Variants in RASA2 observed in about 807,000 individuals in gnomAD.
The protein encoded by RASA2 is ras GTPase-activating protein 2.
In RASA2, 155 loss-of-function variants were observed where a neutral mutation model predicts 118.2. The ratio of observed to expected loss-of-function variants is 1.31; its 90% CI spans 1.15 to 1.50. The LOEUF (loss-of-function observed/expected upper bound fraction) is 1.50. Ranked by LOEUF, RASA2 falls within the 40% of genes most tolerant of loss-of-function variation. The pLI is 0.00. For synonymous variants in RASA2, 353 were observed against 349.1 expected (o/e 1.01, Z -0.12); for missense variants, 1,016 against 1,009.6 (o/e 1.01, Z -0.09).
At position 141,609,103 on chromosome 3, in the gene RASA2, C is replaced by T. The variant is rs1323570118; in HGVS notation, c.2226-317C>T. ...ACCAAGATATCAAGAAAGAAGGATCCTTAGCATTCTCTTTCTAATTGTATG... is the reference window on the plus strand; with the variant it reads ...ACCAAGATATCAAGAAAGAAGGATCTTTAGCATTCTCTTTCTAATTGTATG... On this transcript the variant is annotated intron_variant, in intron 21 of 23. Transcript: ENST00000286364. Among the ~76,000 whole-genome samples, 3 of 152,228 alleles carry T rather than the reference C, an allele frequency of 2.0e-5. No homozygotes were observed. The East Asian group carries it at 5.8e-4, about 29-fold the overall frequency.
chr3:141,582,800 A>G (rs914581074), intron 17 of RASA2, among the ~76,000 whole-genome samples: 2 of 152,212 alleles, frequency 1.3e-5, no homozygotes, highest in Non-Finnish European at 2.9e-5. Flanking sequence ...CTCATTTTAT[A>G]TTGGCACTCT....
intron 19 of RASA2, among the ~76,000 whole-genome samples, chr3:141,597,622 C>T (rs1191288250): frequency 6.6e-6 from 1 of 151,956 alleles, no homozygotes; most frequent in Admixed American, 6.5e-5. Flanking sequence ...ATAGGCTCAC[C>T]TTAATAAAGC....
chr3:141,514,807 A>T lies in RASA2; in HGVS notation c.252-1521A>T, dbSNP rs116396656. 4.4e-3 allele frequency among the ~76,000 whole-genome samples: 675 copies of T among 152,360 alleles called. 1 individual carries two copies. Among genetic ancestry groups the T allele is most frequent in the Non-Finnish European group, 8.2e-3 (558 of 68,028 alleles). ...ACTAGGCGAATGGATTTGGAATGCA[A>T]TGGAATACTATGCAGCAATTAAAAC... On this transcript the variant is annotated intron_variant, in intron 2 of 23. Transcript: ENST00000286364.
chr3:141,494,900 T>C (rs2081681694), intron 1 of RASA2, among the ~76,000 whole-genome samples: 1 of 152,238 alleles, frequency 6.6e-6, no homozygotes, highest in Non-Finnish European at 1.5e-5. Flanking sequence ...ATACTTTGGC[T>C]GATGCCTGAA....
intron 4 of RASA2, among the ~76,000 whole-genome samples, chr3:141,531,881 GAT>G (rs1369548277): frequency 6.6e-6 from 1 of 151,944 alleles, no homozygotes; most frequent in East Asian, 1.9e-4. Context: ...GTCTAGAAAA[GAT>G]AGAAAATCAT....
intron 3 of RASA2, among the ~76,000 whole-genome samples, chr3:141,522,375 C>T (rs937691821): frequency 6.6e-6 from 1 of 152,118 alleles, no homozygotes; most frequent in African/African-American, 2.4e-5. Flanking sequence ...TGTTCCAGGG[C>T]TCCCATCTGG....
chr3:141,600,411 A>G (rs1016266346), intron 19 of RASA2: 8 of 456,960 alleles, frequency 1.8e-5, no homozygotes, highest in South Asian at 8.3e-5. Flanking sequence ...ATGAGCCTCC[A>G]GGCGGACCTG....
chr3:141,515,028 T>C (rs1211971425), intron 2 of RASA2, among the ~76,000 whole-genome samples: 1 of 152,148 alleles, frequency 6.6e-6, no homozygotes, highest in Non-Finnish European at 1.5e-5. Flanking sequence ...AAGAGAACTT[T>C]CTGGGGAGAT....
chr3:141,570,827 A>T, intron 9 of RASA2, 85 bp from the exon 10 acceptor site: 6 of 1,339,888 alleles, frequency 4.5e-6, no homozygotes, highest in African/African-American at 1.5e-5. Flanking sequence ...TTTTTGGTTT[A>T]GTTTTTTTAT....
chr3:141,598,239 G>A (rs1038785251), intron 19 of RASA2, among the ~76,000 whole-genome samples: 1 of 151,962 alleles, frequency 6.6e-6, no homozygotes, highest in Non-Finnish European at 1.5e-5. Context: ...GATTTTTCAA[G>A]AAAAAATACA....
rs1559799824 is a variant in RASA2, at chr3:141,610,477, A to AAATATATATATATATATATT, written c.2519+412_2519+431dup. Among the ~76,000 whole-genome samples, 266 of 114,726 alleles carry AAATATATATATATATATATT rather than the reference A, an allele frequency of 2.3e-3. 2 individuals carry two copies. The highest frequency in any genetic ancestry group is 3.5e-3 in the Non-Finnish European group (217 of 62,378). 75.3% of individuals were successfully genotyped at this position (114,726 alleles called of 152,430 possible). ...ATTTATATTTATATATTATATATAT[A>AAATATATATATATATATATT]AATATATATATATATATATTTAGTT... On this transcript the variant is annotated intron_variant, in intron 23 of 23. Coordinates refer to ENST00000286364, the MANE Select transcript of RASA2 (RefSeq NM_006506.5).
chr3:141,543,180 T>TA (rs2082431078), intron 5 of RASA2, among the ~76,000 whole-genome samples: 2 of 152,226 alleles, frequency 1.3e-5, no homozygotes, highest in African/African-American at 2.4e-5. Context: ...ATTGTGTTTT[T>TA]AAAAAATCTA....
At chr3:141,543,217 A>T (rs983315287) in intron 5 of RASA2, among the ~76,000 whole-genome samples, 1 of 151,606 alleles carries the variant, frequency 6.6e-6, no homozygotes, top group Non-Finnish European at 1.5e-5. Flanking sequence ...ATTTTTTTTT[A>T]GTGGTTGCTC....
chr3:141,556,771 T>G (rs1367982783), intron 7 of RASA2, among the ~76,000 whole-genome samples: 1 of 152,182 alleles, frequency 6.6e-6, no homozygotes. Flanking sequence ...TTTCTTGGTA[T>G]TTCACAGTGG....
intron 4 of RASA2, among the ~76,000 whole-genome samples, chr3:141,533,118 A>G (rs2082281958): frequency 1.3e-5 from 2 of 152,130 alleles, no homozygotes; most frequent in Non-Finnish European, 2.9e-5. Context: ...ACGCCACACC[A>G]ATTTTTGAGT....
intron 17 of RASA2, among the ~76,000 whole-genome samples, chr3:141,583,330 C>T (rs866492298): frequency 1.3e-5 from 2 of 151,980 alleles, no homozygotes; most frequent in Non-Finnish European, 2.9e-5. Context: ...GAGGCTGAGG[C>T]GAGAGAATCG....
intron 9 of RASA2, among the ~76,000 whole-genome samples, chr3:141,561,606 C>T (rs77586571): frequency 0.13 from 19,687 of 152,194 alleles, 1,827 homozygotes; most frequent in East Asian, 0.24. Context: ...TTAACCTCCT[C>T]CATCAATTGT....
chr3:141,600,452 G>A (rs1257857386), intron 19 of RASA2: 11 of 401,044 alleles, frequency 2.7e-5, no homozygotes, highest in Non-Finnish European at 5.5e-5. Flanking sequence ...ATAAGGAGCA[G>A]GTTGCGCTCC....
At chr3:141,517,225 C>A (rs1401782585) in intron 3 of RASA2, among the ~76,000 whole-genome samples, 1 of 152,156 alleles carries the variant, frequency 6.6e-6, no homozygotes, top group African/African-American at 2.4e-5. Flanking sequence ...AGTAATAATT[C>A]ACTTTAATCT....
Sources: gnomAD v4.1 joint callset for allele counts (sites outside exome capture counted in the v4.1 genomes callset) on GRCh38, gnomAD v4.1.1 for gene constraint, MANE v1.5 for transcripts, NCBI Gene and HGNC (gene_info 2026-07-23, HGNC 2026-07-21) for gene names.